Variants in MCFD2 observed in about 807,000 individuals in gnomAD.
MCFD2 encodes the protein multiple coagulation factor deficiency protein 2.
Under a neutral mutation model 12.8 loss-of-function variants are expected in MCFD2, and 11 were observed. The ratio of observed to expected loss-of-function variants is 0.86; its 90% confidence interval spans 0.54 to 1.42. The LOEUF (loss-of-function observed/expected upper bound fraction) is 1.42. Among genes scored for constraint, MCFD2 ranks in the 40% most tolerant of loss-of-function variants. MCFD2 has a pLI of 0.00. For missense variants in MCFD2, 191 were observed against 178.6 expected (o/e 1.07, Z -0.40); for synonymous variants, 70 against 68.1 (o/e 1.03, Z -0.14).
intron 1 of MCFD2, among the ~76,000 whole-genome samples, chr2:46,925,839 T>G (rs1190398256): frequency 6.6e-6 from 1 of 152,212 alleles, no homozygotes; most frequent in Non-Finnish European, 1.5e-5. Flanking sequence ...AACCCATACT[T>G]CCTATGTGTT....
intron 1 of MCFD2, among the ~76,000 whole-genome samples, chr2:46,939,645 C>T (rs896408409): frequency 1.3e-5 from 2 of 152,102 alleles, no homozygotes; most frequent in African/African-American, 4.8e-5. Context: ...CTGCCAAGGT[C>T]GCCTCCCTCT....
chr2:46,932,340 G>T (rs1669749121), intron 1 of MCFD2, among the ~76,000 whole-genome samples: 1 of 151,876 alleles, frequency 6.6e-6, no homozygotes, highest in East Asian at 1.9e-4. Context: ...GTAGAGATGG[G>T]GTTTCACCAT....
upstream of MCFD2, chr2:46,915,806 G>GGGGGGGGGCGCCGCCC: frequency 2.0e-6 from 1 of 512,582 alleles, no homozygotes; most frequent in Non-Finnish European, 2.1e-6. Flanking sequence ...CCTCGGCTTC[G>GGGGGGGGGCGCCGCCC]CCCCGCCCCC....
At chr2:46,919,707 A>C (rs530294120), upstream of MCFD2, among the ~76,000 whole-genome samples, 1 of 152,190 alleles carries the variant, frequency 6.6e-6, no homozygotes, top group African/African-American at 2.4e-5. Context: ...AATTCCTTCT[A>C]ACAGGGAGTA....
At chr2:46,929,640 CAG>C (rs1415999038) in intron 1 of MCFD2, among the ~76,000 whole-genome samples, 6 of 152,002 alleles carry the variant, frequency 3.9e-5, no homozygotes, top group Admixed American at 3.9e-4. Context: ...ACAGCTAACA[CAG>C]AAATATATAT....
At position 46,940,306 on chromosome 2, in the gene MCFD2, G is replaced by C. The variant is rs1440407114; in HGVS notation, c.-8+1266C>G. 6.6e-6 allele frequency among the ~76,000 whole-genome samples: 1 copy of C among 152,194 alleles called. No homozygotes were observed. Among genetic ancestry groups the C allele is most frequent in the Non-Finnish European group, 1.5e-5 (1 of 68,046 alleles). On this transcript the variant is annotated intron_variant, in intron 1 of 2. Transcript: ENST00000409147. The surrounding 1 kb of genome is among the most constrained non-coding windows in gnomAD (Gnocchi z 4.7). ...TGCTGTCTTTTGAGTCTTCAGTCTG[G>C]ACCATACAATGTGTCACTTAAATGC...
intron 1 of MCFD2, among the ~76,000 whole-genome samples, chr2:46,911,593 C>T (rs1053765273): frequency 1.3e-4 from 20 of 151,916 alleles, no homozygotes; most frequent in African/African-American, 4.6e-4. Flanking sequence ...CCTACACAAA[C>T]TAATAACAAA....
intron 1 of MCFD2, among the ~76,000 whole-genome samples, chr2:46,921,088 TC>T (rs1367270709): frequency 6.6e-6 from 1 of 152,144 alleles, no homozygotes; most frequent in Non-Finnish European, 1.5e-5. Flanking sequence ...TGAATGCTTT[TC>T]CCTTAATATC....
At chr2:46,924,269 A>T (rs929839844) in intron 1 of MCFD2, among the ~76,000 whole-genome samples, 1 of 151,044 alleles carries the variant, frequency 6.6e-6, no homozygotes, top group Non-Finnish European at 1.5e-5. Flanking sequence ...CCTGTAAACC[A>T]GTAAAACTGT....
At chr2:46,933,643 T>TA (rs1349796305) in intron 1 of MCFD2, among the ~76,000 whole-genome samples, 1 of 152,086 alleles carries the variant, frequency 6.6e-6, no homozygotes, top group Non-Finnish European at 1.5e-5. Flanking sequence ...TGGTAATGAG[T>TA]AAAAGTTGAT....
intron 1 of MCFD2, among the ~76,000 whole-genome samples, chr2:46,929,504 GAAAT>G (rs912048094): frequency 7.9e-5 from 12 of 151,992 alleles, no homozygotes; most frequent in African/African-American, 2.7e-4. Flanking sequence ...AATAAATAAA[GAAAT>G]AAATAGCTCT....
Position 46,908,277 on chromosome 2 carries a change from TTG to T in MCFD2, c.150-310_150-309del. 1.3e-5 allele frequency: 5 copies of T among 385,392 alleles called. No individual in the cohort carries two copies. The highest frequency in any genetic ancestry group is 8.3e-5 in the African/African-American group (4 of 47,964). The allele number at this position is 385,392 out of a possible 1,614,324, so 23.9% of individuals were successfully genotyped here. A position where few individuals can be genotyped will look rare whatever the true frequency, so the allele number is the denominator to read the frequency against. ...TGTCCTTTAAAACTTTTTTTTTTTT[TTG>T]AGACAGGGTCTCACTCTGCCACCCA... On this transcript the variant is annotated intron_variant, in intron 2 of 3. Coordinates refer to ENST00000319466, the MANE Select transcript of MCFD2 (RefSeq NM_139279.6). The surrounding 1 kb of genome is among the most constrained non-coding windows in gnomAD (Gnocchi z 4.5).
At chr2:46,927,517 C>T (rs7570279) in intron 1 of MCFD2, among the ~76,000 whole-genome samples, 11,904 of 151,832 alleles carry the variant, frequency 0.078, 824 homozygotes, top group African/African-American at 0.18. Flanking sequence ...CCACCACGCC[C>T]GGCTAATTTT....
At chr2:46,909,307 G>T in intron 1 of MCFD2, 130 bp from the exon 2 acceptor site, 1 of 1,072,212 alleles carries the variant, frequency 9.3e-7, no homozygotes, top group Middle Eastern at 2.1e-4. Flanking sequence ...GTCAAACACG[G>T]CCCAATGCCA....
At position 46,903,923 on chromosome 2, in the gene MCFD2, C is replaced by T. The variant is rs1668110110; in HGVS notation, c.*1540G>A. The T allele has an allele frequency of 6.6e-6, 1 of 152,148 alleles. No homozygotes were observed. Among genetic ancestry groups the T allele is most frequent in the African/African-American group, 2.4e-5 (1 of 41,420 alleles). The allele number at this position is 152,148 out of a possible 1,614,324, so 9.4% of individuals were successfully genotyped here. On this transcript the variant is annotated 3_prime_UTR_variant, in exon 4 of 4. Coordinates refer to ENST00000319466, the MANE Select transcript of MCFD2 (RefSeq NM_139279.6). ...CAAGGAGCCTAATGTTAATCCCCAA[C>T]ACCATGGGGAAAATGTCTCCAGGCC...
rs1668113976 is a variant in MCFD2 at position 46,903,984 on chromosome 2, AG to A, written c.*1478del. 1.3e-5 allele frequency: 2 copies of A among 152,214 alleles called. No individual in the cohort carries two copies. Among genetic ancestry groups the A allele is most frequent in the African/African-American group, 4.8e-5 (2 of 41,434 alleles). The allele number at this position is 152,214 out of a possible 1,614,324, so 9.4% of individuals were successfully genotyped here. A position where few individuals can be genotyped will look rare whatever the true frequency, so the allele number is the denominator to read the frequency against. On this transcript the variant is annotated 3_prime_UTR_variant, in exon 4 of 4. Coordinates refer to ENST00000319466, the MANE Select transcript of MCFD2 (RefSeq NM_139279.6). ...AGCCCCTGACATGTGTGTGCAGCCT[AG>A]GGACTTGGTGTCTTGTGTCCCAGCC...
At chr2:46,917,202 C>T (rs1300459632), upstream of MCFD2, 4 of 701,410 alleles carry the variant, frequency 5.7e-6, no homozygotes, top group Admixed American at 8.0e-5. Context: ...CTCCATGGTG[C>T]CCAGCTCGTC....
At chr2:46,931,247 T>TA (rs200943196) in intron 1 of MCFD2, among the ~76,000 whole-genome samples, 1 of 152,172 alleles carries the variant, frequency 6.6e-6, no homozygotes, top group African/African-American at 2.4e-5. Context: ...CCTAGCTAAT[T>TA]AAAAAAAATT....
chr2:46,930,605 T>C (rs558798672), intron 1 of MCFD2, among the ~76,000 whole-genome samples: 7 of 151,932 alleles, frequency 4.6e-5, no homozygotes, highest in African/African-American at 1.7e-4. Flanking sequence ...GTTCAAGCGA[T>C]TCTCCTGCCT....
Sources: allele counts gnomAD v4.1 joint callset (sites outside exome capture counted in the v4.1 genomes callset), GRCh38; gene constraint gnomAD v4.1.1; non-coding constraint Gnocchi (gnomAD v3.1); transcripts MANE v1.5; gene names NCBI Gene and HGNC (gene_info 2026-07-23, HGNC 2026-07-21).